CNTN5: variants seen among roughly 807,000 people sequenced by gnomAD.
CNTN5 encodes contactin 5.
In CNTN5, 77 loss-of-function variants were observed where a neutral mutation model predicts 129.1. The observed-to-expected ratio is 0.60, with a 90% confidence interval of 0.50 to 0.72. The LOEUF is 0.72. CNTN5 is among the 30% of genes least tolerant of loss of function. CNTN5 has a pLI of 0.00. For synonymous variants in CNTN5, 509 were observed against 465.6 expected (o/e 1.09, Z -1.20); for missense variants, 1,478 against 1,328.8 (o/e 1.11, Z -1.75).
intron 2 of CNTN5, among the ~76,000 whole-genome samples, chr11:99,356,806 A>T (rs1591566219): frequency 6.6e-6 from 1 of 152,286 alleles, no homozygotes; most frequent in African/African-American, 2.4e-5. Flanking sequence ...AGTCAATGGG[A>T]TTTCTAATTT....
At chr11:99,037,175 G>A (rs10501898) in intron 1 of CNTN5, among the ~76,000 whole-genome samples, 57,670 of 152,016 alleles carry the variant, frequency 0.38, 13,567 homozygotes, top group East Asian at 0.66. Context: ...GTAGCCTTCT[G>A]AATATCACTC....
chr11:99,751,809 T>C (rs1944245992), intron 3 of CNTN5, among the ~76,000 whole-genome samples: 1 of 152,198 alleles, frequency 6.6e-6, no homozygotes, highest in Non-Finnish European at 1.5e-5. Flanking sequence ...GAAACAGCAT[T>C]CAAATGTGGG....
intron 2 of CNTN5, among the ~76,000 whole-genome samples, chr11:99,337,907 GTTTTC>G (rs1207835726): frequency 1.3e-5 from 2 of 151,954 alleles, no homozygotes; most frequent in African/African-American, 4.8e-5. Flanking sequence ...ACTAAATGTT[GTTTTC>G]TTTACTATTG....
chr11:99,968,281 A>G (rs1007072531), intron 8 of CNTN5, among the ~76,000 whole-genome samples: 2 of 152,196 alleles, frequency 1.3e-5, no homozygotes, highest in Non-Finnish European at 2.9e-5. Context: ...TAGGAAATTC[A>G]TCAGTTGTCA....
At chr11:99,245,971 A>T (rs1039295812) in intron 1 of CNTN5, among the ~76,000 whole-genome samples, 1 of 152,148 alleles carries the variant, frequency 6.6e-6, no homozygotes, top group African/African-American at 2.4e-5. Context: ...GATCTAAGGG[A>T]TCTGAATGGG....
chr11:99,066,856 G>A (rs1865124127), intron 1 of CNTN5, among the ~76,000 whole-genome samples: 1 of 152,114 alleles, frequency 6.6e-6, no homozygotes, highest in African/African-American at 2.4e-5. Context: ...GTTCCTGGGA[G>A]GCATAGATCT....
chr11:100,013,224 A>G (rs1455335969), intron 9 of CNTN5, among the ~76,000 whole-genome samples: 2 of 152,118 alleles, frequency 1.3e-5, no homozygotes, highest in Non-Finnish European at 2.9e-5. Flanking sequence ...ATGAGAAATT[A>G]CTTAATGGGT....
intron 6 of CNTN5, among the ~76,000 whole-genome samples, chr11:99,853,682 A>G (rs1034971793): frequency 4.6e-5 from 7 of 152,114 alleles, no homozygotes; most frequent in Non-Finnish European, 1.0e-4. Flanking sequence ...ACCCGGCTTT[A>G]TATATATTTT....
At chr11:100,301,550 A>G (rs1951220455) in intron 20 of CNTN5, among the ~76,000 whole-genome samples, 2 of 151,648 alleles carry the variant, frequency 1.3e-5, no homozygotes, top group African/African-American at 4.8e-5. Flanking sequence ...TTAAATCTGG[A>G]TAGAGTCCTT....
At chr11:99,035,483 G>T (rs1246879400) in intron 1 of CNTN5, among the ~76,000 whole-genome samples, 2 of 151,556 alleles carry the variant, frequency 1.3e-5, no homozygotes, top group Admixed American at 1.3e-4. Context: ...ATTTAGGATG[G>T]TTAGCTCTTC....
At chr11:100,007,940 A>AAT (rs1283884141) in intron 9 of CNTN5, among the ~76,000 whole-genome samples, 1 of 152,018 alleles carries the variant, frequency 6.6e-6, no homozygotes, top group Non-Finnish European at 1.5e-5. Context: ...GAACACTTAG[A>AAT]AACCATTGTA....
intron 2 of CNTN5, among the ~76,000 whole-genome samples, chr11:99,463,989 G>A (rs1944837651): frequency 6.6e-6 from 1 of 152,094 alleles, no homozygotes. Context: ...ACCCTATACT[G>A]CAAAATTATA....
chr11:99,302,287 G>T (rs1234994592), intron 1 of CNTN5, among the ~76,000 whole-genome samples: 5 of 151,580 alleles, frequency 3.3e-5, no homozygotes, highest in Non-Finnish European at 7.4e-5. Flanking sequence ...CCAAAAGTTG[G>T]TTTGATGAAA....
rs193152227 is a variant in CNTN5 at position 99,517,944 on chromosome 11, T to C, written c.-70-38201T>C. 1.3e-3 allele frequency among the ~76,000 whole-genome samples: 204 copies of C among 152,218 alleles called. 1 individual carries two copies. The highest frequency in any genetic ancestry group is 4.5e-3 in the African/African-American group (186 of 41,548). On this transcript the variant is annotated intron_variant, in intron 2 of 24. Coordinates refer to ENST00000524871, the MANE Select transcript of CNTN5 (RefSeq NM_014361.4). ...GGGACATCATAGGCATTGTATTTCT[T>C]ATTTTGTTTGTAAAGGAATGATATT...
intron 1 of CNTN5, among the ~76,000 whole-genome samples, chr11:99,132,652 TA>T (rs1270542071): frequency 1.3e-5 from 2 of 151,966 alleles, no homozygotes; most frequent in Non-Finnish European, 2.9e-5. Context: ...CTCCCATTCA[TA>T]ATTGCCACAA....
intron 13 of CNTN5, among the ~76,000 whole-genome samples, chr11:100,174,419 TCA>T (rs1238632251): frequency 6.6e-6 from 1 of 152,114 alleles, no homozygotes; most frequent in African/African-American, 2.4e-5. Context: ...CTTGTTTTCA[TCA>T]CAGAGTCCCT....
intron 15 of CNTN5, among the ~76,000 whole-genome samples, chr11:100,210,960 T>A (rs1206771731): frequency 6.6e-6 from 1 of 152,118 alleles, no homozygotes; most frequent in Non-Finnish European, 1.5e-5. Flanking sequence ...TATTTCTAGG[T>A]AGTTGACACA....
At chr11:100,275,204 A>C (rs1214687600) in intron 18 of CNTN5, among the ~76,000 whole-genome samples, 2 of 152,108 alleles carry the variant, frequency 1.3e-5, no homozygotes, top group African/African-American at 4.8e-5. Context: ...TTTTTCTGCT[A>C]CCTTTTCAAT....
intron 3 of CNTN5, among the ~76,000 whole-genome samples, chr11:99,791,233 C>A (rs1119256): frequency 0.58 from 88,052 of 151,728 alleles, 26,287 homozygotes; most frequent in East Asian, 0.73. Flanking sequence ...TTATGTTCAG[C>A]ATGGTATTTC....
Sources: allele counts gnomAD v4.1 joint callset (sites outside exome capture counted in the v4.1 genomes callset), GRCh38; gene constraint gnomAD v4.1.1; transcripts MANE v1.5; gene names NCBI Gene and HGNC (gene_info 2026-07-23, HGNC 2026-07-21).